Variants in MME observed in about 807,000 individuals in gnomAD.
MME encodes membrane metalloendopeptidase, also known as neprilysin.
Under a neutral mutation model 113.2 loss-of-function variants are expected in MME, and 98 were observed. The observed-to-expected ratio is 0.87, with a 90% CI of 0.74 to 1.02. MME has a LOEUF of 1.02. Among genes scored for constraint, MME ranks in the 50% least tolerant of loss-of-function variants. MME has a pLI of 0.00. For missense variants in MME, 836 were observed against 896.0 expected (o/e 0.93, Z 0.86); for synonymous variants, 292 against 300.6 (o/e 0.97, Z 0.30).
At chr3:155,115,451 G>A (rs1718525208) in intron 4 of MME, among the ~76,000 whole-genome samples, 1 of 151,986 alleles carries the variant, frequency 6.6e-6, no homozygotes, top group Admixed American at 6.6e-5. Context: ...TTTTTGAGAT[G>A]GAGTTTTGCT....
intron 1 of MME, among the ~76,000 whole-genome samples, chr3:155,050,745 G>A (rs1713733757): frequency 6.6e-6 from 1 of 152,138 alleles, no homozygotes; most frequent in Non-Finnish European, 1.5e-5. Context: ...ACTGTCAGAT[G>A]TATAGTTTGT....
At chr3:155,111,290 C>T (rs970624077) in intron 3 of MME, among the ~76,000 whole-genome samples, 2 of 152,164 alleles carry the variant, frequency 1.3e-5, no homozygotes, top group African/African-American at 2.4e-5. Context: ...AGTGCTAGCC[C>T]GTGACTTGCC....
At chr3:155,072,516 G>C (rs1486628566) in intron 1 of MME, among the ~76,000 whole-genome samples, 1 of 152,094 alleles carries the variant, frequency 6.6e-6, no homozygotes, top group East Asian at 1.9e-4. Context: ...CATTTGCTTA[G>C]CTGCAACTGG....
At chr3:155,172,700 C>A in intron 22 of MME, 88 bp downstream of exon 22, 61 of 894,750 alleles carry the variant, frequency 6.8e-5, no homozygotes, top group Middle Eastern at 2.3e-4. Flanking sequence ...AACTCTGATT[C>A]TTTTACATTT....
At chr3:155,148,933 A>G (rs1351573440) in intron 16 of MME, among the ~76,000 whole-genome samples, 2 of 152,132 alleles carry the variant, frequency 1.3e-5, no homozygotes. Context: ...TTTGTGAACA[A>G]GATTCTCAAA....
intron 10 of MME, among the ~76,000 whole-genome samples, chr3:155,140,958 T>A (rs1198118088): frequency 6.6e-6 from 1 of 152,130 alleles, no homozygotes; most frequent in African/African-American, 2.4e-5. Context: ...AGGACACAAA[T>A]AAAAAGAAAA....
At chr3:155,151,677 C>T (rs1340803047) in intron 16 of MME, among the ~76,000 whole-genome samples, 1 of 152,126 alleles carries the variant, frequency 6.6e-6, no homozygotes, top group African/African-American at 2.4e-5. Context: ...GCTACCAAGA[C>T]AGAAACCAAG....
In MME at chr3:155,143,389, A is replaced by G. The variant is rs61758201; in HGVS notation, c.1189-54A>G. Reference sequence around the variant, plus strand: ...CATTTGTGAAATGTGTGCTCTTAACATGCTCCAGACCTTTCCTTCTGGTCA... The same window carrying G: ...CATTTGTGAAATGTGTGCTCTTAACGTGCTCCAGACCTTTCCTTCTGGTCA... On this transcript the variant is annotated intron_variant, in intron 12 of 22. Coordinates refer to ENST00000360490, the MANE Select transcript of MME (RefSeq NM_007289.4). The G allele has an allele frequency of 1.3e-3, 2,125 of 1,598,674 alleles. 3 individuals carry two copies. Among genetic ancestry groups the G allele is most frequent in the Admixed American group, 1.9e-3 (115 of 59,630 alleles).
chr3:155,137,785 T>C (rs934076531), intron 8 of MME, among the ~76,000 whole-genome samples: 1 of 152,196 alleles, frequency 6.6e-6, no homozygotes, highest in Non-Finnish European at 1.5e-5. Context: ...GCTTATCAAG[T>C]GTTTTGCAAC....
intron 1 of MME, among the ~76,000 whole-genome samples, chr3:155,025,444 G>C (rs1712747295): frequency 1.3e-5 from 2 of 151,912 alleles, no homozygotes; most frequent in Non-Finnish European, 2.9e-5. Flanking sequence ...GGTCAGCAAA[G>C]TGAAACCCCA....
chr3:155,168,305 A>T (rs1473759540), intron 18 of MME, among the ~76,000 whole-genome samples, 187 bp from the exon 19 acceptor site: 1 of 152,212 alleles, frequency 6.6e-6, no homozygotes, highest in African/African-American at 2.4e-5. Flanking sequence ...AAGCATTAGC[A>T]AAGAAAGCTC....
At chr3:155,103,104 AC>A (rs2108221407) in intron 3 of MME, among the ~76,000 whole-genome samples, 1 of 152,260 alleles carries the variant, frequency 6.6e-6, no homozygotes, top group Admixed American at 6.5e-5. Flanking sequence ...TATACGCTTT[AC>A]CTATAACTCA....
At chr3:155,179,585 C>T (rs887813595) in intron 22 of MME, among the ~76,000 whole-genome samples, 3 of 152,228 alleles carry the variant, frequency 2.0e-5, no homozygotes, top group East Asian at 1.9e-4. Context: ...CCCAAGCAAA[C>T]GTGGTAGGCT....
At chr3:155,152,085 A>T (rs1444991227) in intron 16 of MME, among the ~76,000 whole-genome samples, 1 of 152,006 alleles carries the variant, frequency 6.6e-6, no homozygotes, top group Non-Finnish European at 1.5e-5. Flanking sequence ...GGCTCTTCAT[A>T]CCCCACACTA....
In MME at chr3:155,180,622, G is replaced by C. The variant is rs76930249; in HGVS notation, c.*163G>C. 2.2e-3 allele frequency: 1,484 copies of C among 671,470 alleles called. 14 individuals carry two copies. The African/African-American group carries it at 0.023, about 11-fold the overall frequency. 41.6% of individuals were successfully genotyped at this position (671,470 alleles called of 1,614,324 possible). On this transcript the variant is annotated 3_prime_UTR_variant, in exon 23 of 23. Coordinates refer to ENST00000360490, the MANE Select transcript of MME (RefSeq NM_007289.4). The stretch of plus-strand genomic sequence containing the variant: ...ATACAGATAACATTAGGTTGTCCTA[G>C]AAAGGGTGTGGAGGGAGGAAGGGGG...
At chr3:155,056,674 G>A (rs1488646274) in intron 1 of MME, among the ~76,000 whole-genome samples, 4 of 151,984 alleles carry the variant, frequency 2.6e-5, no homozygotes, top group Admixed American at 2.6e-4. Flanking sequence ...ATGATTTATA[G>A]TCCTTTGGGG....
chr3:155,119,693 T>G (rs1476945338), intron 8 of MME, among the ~76,000 whole-genome samples: 3 of 151,344 alleles, frequency 2.0e-5, no homozygotes, highest in Non-Finnish European at 4.4e-5. Context: ...TTGCGATAGT[T>G]TACTGAGAAT....
chr3:155,060,445 T>A (rs894211310), intron 1 of MME, among the ~76,000 whole-genome samples: 18 of 152,224 alleles, frequency 1.2e-4, no homozygotes, highest in African/African-American at 3.9e-4. Context: ...TTGAACAAGA[T>A]AATTTAAATT....
rs768253967 is a variant in MME, at chr3:155,138,140, C to G, written c.759C>G (p.Ala253=). 1 of 1,613,590 alleles carries G rather than the reference C, an allele frequency of 6.2e-7. No individual in the cohort carries two copies. Among genetic ancestry groups the G allele is most frequent in the Non-Finnish European group, 8.5e-7 (1 of 1,179,764 alleles). ...TAYVDFMISV[A]RLIRQEERLP... is the part of the protein sequence containing the mutation. ...ATGTGGATTTTATGATTTCTGTGGCCAGATTGATTCGTCAGGAAGAAAGAT... is the reference window on the plus strand; with the variant it reads ...ATGTGGATTTTATGATTTCTGTGGCGAGATTGATTCGTCAGGAAGAAAGAT... Residue 253 remains alanine (A), a synonymous_variant, in exon 9 of 23, where the codon GCC becomes GCG. Coordinates refer to ENST00000360490, the MANE Select transcript of MME (RefSeq NM_007289.4).
Sources: allele counts gnomAD v4.1 joint callset (sites outside exome capture counted in the v4.1 genomes callset), GRCh38; gene constraint gnomAD v4.1.1; transcripts MANE v1.5; gene names NCBI Gene and HGNC (gene_info 2026-07-23, HGNC 2026-07-21).